The following MYO3A variants were observed in gnomAD, a reference collection of about 807,000 sequenced individuals.
The protein encoded by MYO3A is myosin IIIA.
Under a neutral mutation model 192.7 loss-of-function variants are expected in MYO3A, and 180 were observed. That is an observed-to-expected ratio of 0.93 (90% CI 0.83 to 1.06). The LOEUF (loss-of-function observed/expected upper bound fraction) is 1.06, where lower values mean the gene tolerates loss of function less well. MYO3A is among the 50% of genes least tolerant of loss of function. The probability of loss-of-function intolerance (pLI) is 0.00; values close to 1 mark genes in which losing one functional copy is unlikely to be tolerated. For missense variants in MYO3A, 1,896 were observed against 1,905.0 expected, an observed-to-expected ratio of 1.00 and a Z score of 0.09; for synonymous variants, 628 against 645.3, an observed-to-expected ratio of 0.97 and a Z score of 0.41.
At chr10:26,169,677 C>T (rs79925422) in intron 28 of MYO3A, among the ~76,000 whole-genome samples, 9,361 of 152,210 alleles carry the variant, frequency 0.062, 375 homozygotes, top group Non-Finnish European at 0.089. Flanking sequence ...ATTAACATTC[C>T]AATCCCCGTT....
At chr10:26,047,299 G>T (rs58552357) in intron 10 of MYO3A, among the ~76,000 whole-genome samples, 24,653 of 151,792 alleles carry the variant, frequency 0.16, 2,266 homozygotes, top group Non-Finnish European at 0.21. Context: ...CTTTTGGCCA[G>T]AAAAAAATTA....
At chr10:26,148,708 A>G (rs1840616684) in intron 23 of MYO3A, among the ~76,000 whole-genome samples, 1 of 152,230 alleles carries the variant, frequency 6.6e-6, no homozygotes. Flanking sequence ...AGTTTTGCAC[A>G]TCCTTTGCCA....
intron 32 of MYO3A, among the ~76,000 whole-genome samples, chr10:26,197,913 T>C (rs1843491975): frequency 2.6e-5 from 4 of 152,238 alleles, no homozygotes; most frequent in Non-Finnish European, 5.9e-5. Context: ...GTCTCCTGTG[T>C]GACTTCCCCC....
intron 2 of MYO3A, among the ~76,000 whole-genome samples, chr10:25,936,900 T>C (rs957118657): frequency 6.6e-6 from 1 of 151,118 alleles, no homozygotes; most frequent in African/African-American, 2.4e-5. Context: ...TTAAAAAAAA[T>C]AGCCACTGTT....
chr10:26,179,595 C>T (rs1223538304), intron 31 of MYO3A, among the ~76,000 whole-genome samples: 1 of 152,110 alleles, frequency 6.6e-6, no homozygotes, highest in Non-Finnish European at 1.5e-5. Context: ...CAAGTGAGAA[C>T]TTACTGTATG....
At chr10:26,087,815 A>AGCT (rs1251937125) in intron 14 of MYO3A, among the ~76,000 whole-genome samples, 2 of 152,164 alleles carry the variant, frequency 1.3e-5, no homozygotes, top group Non-Finnish European at 2.9e-5. Context: ...CAGGGTTAGC[A>AGCT]GCTTCTGTGG....
chr10:26,030,366 C>T (rs1156723187), intron 10 of MYO3A, among the ~76,000 whole-genome samples: 1 of 151,822 alleles, frequency 6.6e-6, no homozygotes, highest in Non-Finnish European at 1.5e-5. Context: ...TTTTTATAAA[C>T]GTATGTTTGG....
chr10:26,150,029 C>CGT (rs35589117), intron 23 of MYO3A, among the ~76,000 whole-genome samples: 3,980 of 149,084 alleles, frequency 0.027, 146 homozygotes, highest in African/African-American at 0.08. Context: ...GAATAGTATT[C>CGT]GTGTGTGTGT....
intron 20 of MYO3A, among the ~76,000 whole-genome samples, chr10:26,138,804 GAAA>G (rs1278929988): frequency 4.6e-5 from 7 of 152,168 alleles, no homozygotes; most frequent in Non-Finnish European, 8.8e-5. Context: ...ATTTCCCCAG[GAAA>G]GTCACTCAAA....
At chr10:26,094,743 G>T (rs920672336) in intron 15 of MYO3A, among the ~76,000 whole-genome samples, 1 of 151,416 alleles carries the variant, frequency 6.6e-6, no homozygotes, top group African/African-American at 2.4e-5. Context: ...AATTTCTAAA[G>T]AGAGCAATAG....
At chr10:26,208,278 T>C (rs1844066201) in intron 34 of MYO3A, among the ~76,000 whole-genome samples, 1 of 151,948 alleles carries the variant, frequency 6.6e-6, no homozygotes, top group Non-Finnish European at 1.5e-5. Context: ...AGATGATCAA[T>C]GGAGGATAAA....
intron 2 of MYO3A, among the ~76,000 whole-genome samples, chr10:25,947,558 T>C (rs1178942632): frequency 2.0e-5 from 3 of 151,950 alleles, no homozygotes; most frequent in Non-Finnish European, 4.4e-5. Context: ...CATGCCCGGC[T>C]AATTTTGTAT....
chr10:26,100,526 T>G (rs1399834010), intron 17 of MYO3A, among the ~76,000 whole-genome samples: 4 of 152,222 alleles, frequency 2.6e-5, no homozygotes, highest in Non-Finnish European at 5.9e-5. Context: ...TTTCCTGCTT[T>G]CTTTTGTGGG....
chr10:26,016,277 T>C (rs1841979812), intron 6 of MYO3A, among the ~76,000 whole-genome samples: 1 of 152,206 alleles, frequency 6.6e-6, no homozygotes, highest in African/African-American at 2.4e-5. Context: ...TTGGTTTAAA[T>C]AGATATAGTT....
Position 26,016,852 on chromosome 10 carries a change from C to T in MYO3A, c.541C>T (p.Arg181Cys), listed in dbSNP as rs146904729. The change falls in exon 7 of 35, where the codon CGT becomes TGT. Residue 181 changes from arginine to cysteine, a missense_variant. Coordinates refer to ENST00000642920, the MANE Select transcript of MYO3A (RefSeq NM_017433.5). The part of the protein sequence containing the change: ...VSAQLTSTRH[R>C]RNTSVGTPFW... The stretch of plus-strand genomic sequence containing the variant: ...TGCACAGCTCACCAGTACCCGGCAC[C>T]GTCGGAACACATCCGTAGGAACACC... The T allele has an allele frequency of 1.1e-5, 17 of 1,614,062 alleles. No homozygotes were observed. Among genetic ancestry groups the T allele is most frequent in the South Asian group, 4.4e-5 (4 of 91,076 alleles).
At chr10:26,026,086 A>C (rs2131113466) in intron 9 of MYO3A, among the ~76,000 whole-genome samples, 1 of 145,748 alleles carries the variant, frequency 6.9e-6, no homozygotes, top group South Asian at 2.1e-4. Context: ...TTTAATTATC[A>C]CTATGCAATA....
intron 17 of MYO3A, among the ~76,000 whole-genome samples, chr10:26,106,709 A>G (rs1837825197): frequency 2.0e-5 from 3 of 152,178 alleles, no homozygotes; most frequent in South Asian, 4.2e-4. Flanking sequence ...TACCAAATTT[A>G]TTTTTAGCTG....
At chr10:26,120,900 C>G (rs1479896250) in intron 18 of MYO3A, 98 bp downstream of exon 18, 1 of 1,463,488 alleles carries the variant, frequency 6.8e-7, no homozygotes, top group Non-Finnish European at 9.4e-7. Context: ...TTGTGCTAAC[C>G]TAGAATCCTT....
chr10:26,068,842 T>G lies in MYO3A; in HGVS notation c.1128T>G (p.Ile376Met), dbSNP rs1259170942. 1 of 1,599,996 alleles carries G rather than the reference T, an allele frequency of 6.3e-7. No individual in the cohort carries two copies. Among genetic ancestry groups the G allele is most frequent in the African/African-American group, 1.3e-5 (1 of 74,806 alleles). The change falls in exon 12 of 35, where the codon ATT (isoleucine) becomes ATG (methionine). Residue 376 changes from isoleucine to methionine, a missense_variant. By Grantham distance (10) the Ile-to-Met change is conservative. Transcript: ENST00000642920. Reference sequence around the variant, plus strand: ...ACGTCTATGTGGGAGACATACTCATTGCTCTTAACCCTTTTCAGAGTCTGG... The same window carrying G: ...ACGTCTATGTGGGAGACATACTCATGGCTCTTAACCCTTTTCAGAGTCTGG... ...QIYVYVGDILIALNPFQSLGL... is the reference protein window; with the variant it reads ...QIYVYVGDILMALNPFQSLGL...
Sources: allele counts gnomAD v4.1 joint callset (sites outside exome capture counted in the v4.1 genomes callset), GRCh38; gene constraint gnomAD v4.1.1; transcripts MANE v1.5; gene names NCBI Gene and HGNC (gene_info 2026-07-23, HGNC 2026-07-21).